SLC7A14: variants seen among roughly 807,000 people sequenced by gnomAD.
The protein encoded by SLC7A14 is gamma-aminobutyric acid transporter SLC7A14.
In SLC7A14, 37 loss-of-function variants were observed where a neutral mutation model predicts 60.2. That is an observed-to-expected ratio of 0.61 (90% confidence interval 0.47 to 0.81). The LOEUF (loss-of-function observed/expected upper bound fraction) is 0.81. Ranked by LOEUF, SLC7A14 falls within the 30% of genes least tolerant of loss-of-function variation. SLC7A14 has a pLI of 0.00. For missense variants in SLC7A14, 886 were observed against 982.7 expected (o/e 0.90, Z 1.32); for synonymous variants, 399 against 395.8 (o/e 1.01, Z -0.10).
At chr3:170,578,006 T>C (rs1249316360) in intron 1 of SLC7A14, among the ~76,000 whole-genome samples, 1 of 152,184 alleles carries the variant, frequency 6.6e-6, no homozygotes, top group East Asian at 1.9e-4. Context: ...CTCTGGGAGC[T>C]CTCCCTCTCT....
At position 170,460,234 on chromosome 3, in the gene SLC7A14, T is replaced by C. The variant is rs947158184; in HGVS notation, c.*6821A>G. ...ACGAAACGAAAAAGAAACAAGTTAG[T>C]AAAATTTACAAGCTGTATTTATAAC... On this transcript the variant is annotated 3_prime_UTR_variant, in exon 8 of 8. Transcript: ENST00000231706. 3 of 152,196 alleles carry C rather than the reference T, an allele frequency of 2.0e-5. No homozygotes were observed. Among genetic ancestry groups the C allele is most frequent in the Non-Finnish European group, 2.9e-5 (2 of 68,036 alleles). The allele number at this position is 152,196 out of a possible 1,614,324, so 9.4% of individuals were successfully genotyped here.
chr3:170,534,828 AT>A (rs1713789555), intron 1 of SLC7A14, among the ~76,000 whole-genome samples: 1 of 152,190 alleles, frequency 6.6e-6, no homozygotes, highest in African/African-American at 2.4e-5. Flanking sequence ...GTCTGGGACA[AT>A]ATTTCTACTG....
chr3:170,548,885 A>G (rs903497986), intron 1 of SLC7A14, among the ~76,000 whole-genome samples: 17 of 149,528 alleles, frequency 1.1e-4, no homozygotes, highest in African/African-American at 4.1e-4. Flanking sequence ...AAATTAATTA[A>G]TTGTGTCATT....
chr3:170,532,657 GC>G lies in SLC7A14; in HGVS notation c.-152-5570del, dbSNP rs1287543502. On this transcript the variant is annotated intron_variant, in intron 1 of 7. Transcript: ENST00000231706. This position sits in a 1 kb window ranked among gnomAD's most constrained non-coding sequence, Gnocchi z 4.0. Reference sequence around the variant, plus strand: ...CGTTAGCTAGCATCACCCTGCTGTGGCCCCTGACCAGGTGTTTTTTTTTTTT... The same window carrying G: ...CGTTAGCTAGCATCACCCTGCTGTGGCCCTGACCAGGTGTTTTTTTTTTTT... 7.0e-4 allele frequency among the ~76,000 whole-genome samples: 107 copies of G among 151,856 alleles called. No homozygotes were observed. The highest frequency in any genetic ancestry group is 2.3e-3 in the African/African-American group (96 of 41,236).
intron 1 of SLC7A14, among the ~76,000 whole-genome samples, chr3:170,583,084 G>T (rs576065204): frequency 2.0e-5 from 3 of 152,234 alleles, no homozygotes; most frequent in African/African-American, 4.8e-5. Flanking sequence ...AAATCCTTAG[G>T]TCTTATTAGG....
In SLC7A14 at chr3:170,467,272, T is replaced by A. The variant is rs1158609356; in HGVS notation, c.2099A>T (p.Asp700Val). ...QSTYQRYDVD[D>V]PFSVEEGFSY... The stretch of plus-strand genomic sequence containing the variant: ...GAAACCCTCCTCCACTGAGAAGGGG[T>A]CATCCACGTCGTAGCGTTGGTACGT... The change falls in exon 8 of 8, where the codon GAC (aspartate) becomes GTC (valine). Residue 700 changes from aspartate (D) to valine (V), a missense_variant. Coordinates refer to ENST00000231706, the MANE Select transcript of SLC7A14 (RefSeq NM_020949.3). The A allele has an allele frequency of 1.2e-6, 2 of 1,614,212 alleles. No homozygotes were observed. The highest frequency in any genetic ancestry group is 2.2e-5 in the South Asian group (2 of 91,078).
chr3:170,510,416 A>G (rs1031326530), intron 2 of SLC7A14, among the ~76,000 whole-genome samples: 2 of 151,106 alleles, frequency 1.3e-5, no homozygotes, highest in African/African-American at 4.9e-5. Context: ...AAATAAATAA[A>G]TAAATAAAGA....
intron 4 of SLC7A14, among the ~76,000 whole-genome samples, chr3:170,495,323 T>C (rs528367972): frequency 6.6e-6 from 1 of 152,226 alleles, no homozygotes; most frequent in East Asian, 1.9e-4. Flanking sequence ...GTTAAGAAAA[T>C]GGTGAGGACA....
At chr3:170,554,759 G>A (rs925925775) in intron 1 of SLC7A14, among the ~76,000 whole-genome samples, 2 of 152,196 alleles carry the variant, frequency 1.3e-5, no homozygotes, top group African/African-American at 4.8e-5. Context: ...AAAGAATGAA[G>A]TTTATATCCT....
Position 170,532,716 on chromosome 3 carries a change from C to G in SLC7A14, c.-152-5628G>C, listed in dbSNP as rs1406561802. 2.0e-5 allele frequency among the ~76,000 whole-genome samples: 3 copies of G among 151,642 alleles called. No homozygotes were observed. The highest frequency in any genetic ancestry group is 7.3e-5 in the African/African-American group (3 of 41,260). On this transcript the variant is annotated intron_variant, in intron 1 of 7. Coordinates refer to ENST00000231706, the MANE Select transcript of SLC7A14 (RefSeq NM_020949.3). This position sits in a 1 kb window ranked among gnomAD's most constrained non-coding sequence, Gnocchi z 4.0. ...GTTGTTCCCTGCTACTGACACCCTT[C>G]CCACCACCTTCACCTCCTTAGGCAG...
At chr3:170,545,777 T>C (rs1714160077) in intron 1 of SLC7A14, among the ~76,000 whole-genome samples, 1 of 152,240 alleles carries the variant, frequency 6.6e-6, no homozygotes, top group African/African-American at 2.4e-5. Context: ...TAGCTGATAT[T>C]ATTATTAAAG....
At chr3:170,581,364 A>G (rs936594586) in intron 1 of SLC7A14, among the ~76,000 whole-genome samples, 4 of 152,144 alleles carry the variant, frequency 2.6e-5, no homozygotes, top group African/African-American at 4.8e-5. Flanking sequence ...TGATGGGTTC[A>G]TTATTGATGA....
intron 1 of SLC7A14, among the ~76,000 whole-genome samples, chr3:170,577,544 G>A (rs1416678860): frequency 2.7e-5 from 4 of 150,638 alleles, no homozygotes; most frequent in Non-Finnish European, 4.4e-5. Context: ...CGTGAACCCG[G>A]GAAGCAGAGC....
intron 1 of SLC7A14, among the ~76,000 whole-genome samples, chr3:170,528,205 A>T (rs1713567412): frequency 1.3e-5 from 2 of 152,222 alleles, no homozygotes; most frequent in Non-Finnish European, 2.9e-5. Context: ...ACTTCAGGAT[A>T]CTAAAAGGAG....
At chr3:170,580,582 A>T (rs1339457169) in intron 1 of SLC7A14, among the ~76,000 whole-genome samples, 1 of 152,230 alleles carries the variant, frequency 6.6e-6, no homozygotes, top group African/African-American at 2.4e-5. Context: ...GACCAGAAAC[A>T]GTGGCTAAGT....
At chr3:170,473,459 C>A (rs1711512695) in intron 7 of SLC7A14, among the ~76,000 whole-genome samples, 1 of 152,194 alleles carries the variant, frequency 6.6e-6, no homozygotes, top group Admixed American at 6.5e-5. Flanking sequence ...GGTGGGCCAC[C>A]TGACCTCAGG....
At chr3:170,509,849 T>G (rs62293540) in intron 2 of SLC7A14, among the ~76,000 whole-genome samples, 4,566 of 139,656 alleles carry the variant, frequency 0.033, 86 homozygotes, top group Non-Finnish European at 0.05. Flanking sequence ...GAGGCCGAGG[T>G]GGGTGGATCA....
At chr3:170,584,088 G>A (rs1715308546) in intron 1 of SLC7A14, among the ~76,000 whole-genome samples, 1 of 152,148 alleles carries the variant, frequency 6.6e-6, no homozygotes, top group African/African-American at 2.4e-5. Flanking sequence ...GATACTTTTG[G>A]TTGGCAGCTA....
In SLC7A14 at chr3:170,462,390, T is replaced by G. The variant is rs1260742920; in HGVS notation, c.*4665A>C. 2 of 152,204 alleles carry G rather than the reference T, an allele frequency of 1.3e-5. No individual in the cohort carries two copies. Among genetic ancestry groups the G allele is most frequent in the Non-Finnish European group, 1.5e-5 (1 of 68,030 alleles). 9.4% of individuals were successfully genotyped at this position (152,204 alleles called of 1,614,324 possible). A position where few individuals can be genotyped will look rare whatever the true frequency, so the allele number is the denominator to read the frequency against. Reference sequence around the variant, plus strand: ...GGTTTACCAACCCTTTTCAGCAGAATAGAGGAGAGAGATTTCTTTGAAGGA... The same window carrying G: ...GGTTTACCAACCCTTTTCAGCAGAAGAGAGGAGAGAGATTTCTTTGAAGGA... On this transcript the variant is annotated 3_prime_UTR_variant, in exon 8 of 8. Transcript: ENST00000231706.
Sources: allele counts gnomAD v4.1 joint callset (sites outside exome capture counted in the v4.1 genomes callset), GRCh38; gene constraint gnomAD v4.1.1; non-coding constraint Gnocchi (gnomAD v3.1); transcripts MANE v1.5; gene names NCBI Gene and HGNC (gene_info 2026-07-23, HGNC 2026-07-21).